ASTN2: variants seen among roughly 807,000 people sequenced by gnomAD.
ASTN2 encodes astrotactin 2, also known as astrotactin-2.
In ASTN2, 54 loss-of-function variants were observed where a neutral mutation model predicts 139.8. That is an observed-to-expected ratio of 0.39 (90% CI 0.31 to 0.48). The LOEUF (loss-of-function observed/expected upper bound fraction) is 0.48. Ranked by LOEUF, ASTN2 falls within the 20% of genes least tolerant of loss-of-function variation. The probability of loss-of-function intolerance (pLI) is 0.95; values close to 1 mark genes in which losing one functional copy is unlikely to be tolerated. For missense variants in ASTN2, 1,565 were observed against 1,725.1 expected (o/e 0.91, Z 1.64); for synonymous variants, 756 against 719.5 (o/e 1.05, Z -0.81).
At chr9:117,199,097 T>C (rs1204879372) in intron 3 of ASTN2, among the ~76,000 whole-genome samples, 1 of 152,232 alleles carries the variant, frequency 6.6e-6, no homozygotes, top group Non-Finnish European at 1.5e-5. Flanking sequence ...TTCATTCTAA[T>C]GATAGTTTCT....
intron 10 of ASTN2, among the ~76,000 whole-genome samples, chr9:116,931,292 G>A (rs1834890743): frequency 6.6e-6 from 1 of 152,166 alleles, no homozygotes; most frequent in Admixed American, 6.5e-5. Flanking sequence ...TTTTATTATG[G>A]TGGAGACATG....
intron 11 of ASTN2, among the ~76,000 whole-genome samples, chr9:116,853,346 T>C (rs956551240): frequency 6.6e-6 from 1 of 152,198 alleles, no homozygotes; most frequent in African/African-American, 2.4e-5. Context: ...AAAAATTCTA[T>C]TATTATAATT....
At chr9:116,451,366 C>G (rs1848167918) in intron 20 of ASTN2, among the ~76,000 whole-genome samples, 1 of 151,978 alleles carries the variant, frequency 6.6e-6, no homozygotes, top group South Asian at 2.1e-4. Context: ...GAGTAATTAT[C>G]ACAGCAGTTC....
At position 116,809,294 on chromosome 9, in the gene ASTN2, C is replaced by T. The variant is rs549277686; in HGVS notation, c.2208-3474G>A. On this transcript the variant is annotated intron_variant, in intron 12 of 22. Coordinates refer to ENST00000313400, the MANE Select transcript of ASTN2 (RefSeq NM_001365068.1). ...AGTGTGAGTGTTTATTTTAACTTAACTATTTTTTAAAATGGGTAGCCAATT... is the reference window on the plus strand; with the variant it reads ...AGTGTGAGTGTTTATTTTAACTTAATTATTTTTTAAAATGGGTAGCCAATT... Among the ~76,000 whole-genome samples the T allele has an allele frequency of 2.0e-5, 3 of 152,174 alleles. No individual in the cohort carries two copies. In the South Asian group the frequency reaches 6.2e-4, roughly 32 times the overall value.
At chr9:116,830,530 G>T (rs192556171) in intron 11 of ASTN2, among the ~76,000 whole-genome samples, 1 of 152,108 alleles carries the variant, frequency 6.6e-6, no homozygotes, top group Non-Finnish European at 1.5e-5. Flanking sequence ...GGTGGCTCAA[G>T]CCTGTAATCC....
intron 13 of ASTN2, among the ~76,000 whole-genome samples, chr9:116,783,846 G>A (rs200398542): frequency 3.3e-5 from 5 of 152,124 alleles, no homozygotes; most frequent in African/African-American, 9.7e-5. Context: ...GCTCTTTATC[G>A]ATGGACATAA....
In ASTN2 at chr9:117,343,021, T is replaced by G. The variant is rs140401868; in HGVS notation, c.443-51508A>C. On this transcript the variant is annotated intron_variant, in intron 1 of 22. Coordinates refer to ENST00000313400, the MANE Select transcript of ASTN2 (RefSeq NM_001365068.1). ...TTCCAAAGTTAGGCAAGGGGAATAG[T>G]TCCCCCCTCACTGCATCTCACACTC... is the stretch of plus-strand genomic sequence containing the variant. 6.2e-3 allele frequency among the ~76,000 whole-genome samples: 943 copies of G among 152,246 alleles called. 9 individuals are homozygous for G. Among genetic ancestry groups the G allele is most frequent in the African/African-American group, 0.022 (894 of 41,556 alleles).
rs1230590692 is a variant in ASTN2, at chr9:117,370,015, G to A, written c.442+44482C>T. 2.0e-5 allele frequency among the ~76,000 whole-genome samples: 3 copies of A among 152,092 alleles called. No individual in the cohort carries two copies. In the East Asian group the frequency reaches 5.8e-4, roughly 29 times the overall value. On this transcript the variant is annotated intron_variant, in intron 1 of 22. Transcript: ENST00000313400. ...AACAAGCGATGAGCGGGAAGCTACA[G>A]GTTGGCCCTAAGTCCAGGTATATTA...
At chr9:117,113,023 A>G (rs895296481) in intron 4 of ASTN2, among the ~76,000 whole-genome samples, 3 of 152,202 alleles carry the variant, frequency 2.0e-5, no homozygotes, top group African/African-American at 7.2e-5. Flanking sequence ...GACATAAATT[A>G]TATCACAATG....
chr9:117,162,319 T>C (rs1334083), intron 3 of ASTN2, among the ~76,000 whole-genome samples: 151,355 of 152,084 alleles, frequency 1, 75,322 homozygotes, highest in Middle Eastern at 1. Flanking sequence ...GGACTACTCA[T>C]GGAGCTTCAC....
intron 1 of ASTN2, among the ~76,000 whole-genome samples, chr9:117,313,234 T>C (rs558349039): frequency 5.2e-4 from 79 of 152,292 alleles, no homozygotes; most frequent in African/African-American, 1.7e-3. Flanking sequence ...CACAGGTGCT[T>C]CTGACAGATT....
At chr9:116,521,211 CA>C (rs1250264475) in intron 19 of ASTN2, among the ~76,000 whole-genome samples, 1 of 151,836 alleles carries the variant, frequency 6.6e-6, no homozygotes, top group East Asian at 1.9e-4. Context: ...GACTAAACAA[CA>C]AATCTGGAGA....
intron 19 of ASTN2, among the ~76,000 whole-genome samples, chr9:116,513,195 G>T (rs1308411406): frequency 1.3e-5 from 2 of 152,088 alleles, no homozygotes; most frequent in Non-Finnish European, 2.9e-5. Context: ...GGGCAGGCCT[G>T]GTGGTGACAA....
Position 117,142,203 on chromosome 9 carries a change from T to A in ASTN2, c.1016-725A>T, listed in dbSNP as rs76130658. ...TTTAGGAGTATAAATTTTATCCTAA[T>A]GGCAAAAGGTATCACCAAAAGGTTT... On this transcript the variant is annotated intron_variant, in intron 3 of 22. Transcript: ENST00000313400. Among the ~76,000 whole-genome samples, 546 of 152,324 alleles carry A rather than the reference T, an allele frequency of 3.6e-3. 13 individuals are homozygous for A. The East Asian group carries it at 0.062, about 17-fold the overall frequency.
chr9:117,203,114 G>T (rs1168083455), intron 3 of ASTN2, among the ~76,000 whole-genome samples: 2 of 151,288 alleles, frequency 1.3e-5, no homozygotes, highest in East Asian at 4.0e-4. Context: ...CCTTTCTTCT[G>T]CTTGGTTGAT....
chr9:116,834,804 T>C (rs1021848549), intron 11 of ASTN2, among the ~76,000 whole-genome samples: 7 of 152,188 alleles, frequency 4.6e-5, no homozygotes, highest in South Asian at 2.1e-4. Context: ...TCCCAGCACA[T>C]TGGGAGGCTG....
At chr9:116,534,345 T>C (rs141455145) in intron 19 of ASTN2, among the ~76,000 whole-genome samples, 1,860 of 152,340 alleles carry the variant, frequency 0.012, 34 homozygotes, top group African/African-American at 0.043. Context: ...GAATGGTTTT[T>C]TGTGTCTCTA....
intron 5 of ASTN2, among the ~76,000 whole-genome samples, chr9:117,062,884 C>T (rs948497092): frequency 3.3e-5 from 5 of 152,174 alleles, no homozygotes; most frequent in Admixed American, 3.3e-4. Flanking sequence ...ATAACCATAT[C>T]AATACGCAGG....
intron 1 of ASTN2, among the ~76,000 whole-genome samples, chr9:117,334,958 G>A (rs1054398879): frequency 1.4e-4 from 22 of 152,176 alleles, no homozygotes; most frequent in Non-Finnish European, 1.5e-4. Context: ...AGGAGGCTGA[G>A]GCATGAGAAT....
Sources: allele counts gnomAD v4.1 joint callset (sites outside exome capture counted in the v4.1 genomes callset), GRCh38; gene constraint gnomAD v4.1.1; transcripts MANE v1.5; gene names NCBI Gene and HGNC (gene_info 2026-07-23, HGNC 2026-07-21).